BCAS2: variants seen among roughly 807,000 people sequenced by gnomAD.
BCAS2 encodes the protein pre-mRNA-splicing factor SPF27.
A neutral mutation model predicts 35.3 loss-of-function variants in BCAS2; 34 were observed. The observed-to-expected ratio is 0.96, with a 90% CI of 0.73 to 1.28. The LOEUF is 1.28. BCAS2 is among the 50% of genes most tolerant of loss of function. The pLI is 0.00. For synonymous variants in BCAS2, 75 were observed against 91.6 expected (o/e 0.82, Z 1.03); for missense variants, 221 against 268.1 (o/e 0.82, Z 1.23).
At chr1:114,572,667 C>T (rs1037080422) in intron 4 of BCAS2, among the ~76,000 whole-genome samples, 6 of 152,088 alleles carry the variant, frequency 3.9e-5, no homozygotes, top group African/African-American at 1.4e-4. Flanking sequence ...TAGAGCTGAG[C>T]CCTAAACAAG....
intron 6 of BCAS2, among the ~76,000 whole-genome samples, chr1:114,569,664 ATT>A (rs768378562): frequency 2.2e-5 from 3 of 135,822 alleles, no homozygotes; most frequent in Non-Finnish European, 1.6e-5. Flanking sequence ...CACCGTGCCT[ATT>A]TTTTTTTTTT....
intron 4 of BCAS2, among the ~76,000 whole-genome samples, chr1:114,573,434 C>T (rs1429183785): frequency 3.3e-5 from 5 of 151,894 alleles, no homozygotes; most frequent in African/African-American, 4.8e-5. Context: ...GTTTCACTTA[C>T]GTTGCCCAGG....
At chr1:114,580,811 A>C (rs1042952807) in intron 2 of BCAS2, among the ~76,000 whole-genome samples, 3 of 152,200 alleles carry the variant, frequency 2.0e-5, no homozygotes, top group Admixed American at 2.0e-4. Context: ...AAAACATCGG[A>C]TAGATTACAG....
At chr1:114,580,371 A>C (rs1316737756) in intron 2 of BCAS2, among the ~76,000 whole-genome samples, 1 of 152,200 alleles carries the variant, frequency 6.6e-6, no homozygotes, top group Non-Finnish European at 1.5e-5. Flanking sequence ...CTAGACCCTA[A>C]CTAGAATCCT....
intron 3 of BCAS2, among the ~76,000 whole-genome samples, chr1:114,576,255 A>C (rs1381895555): frequency 2.7e-5 from 4 of 148,508 alleles, no homozygotes; most frequent in Non-Finnish European, 4.5e-5. Context: ...CTCTATATAT[A>C]TATATATATA....
chr1:114,572,767 G>A (rs1289533719), intron 4 of BCAS2, among the ~76,000 whole-genome samples: 1 of 152,108 alleles, frequency 6.6e-6, no homozygotes, highest in Non-Finnish European at 1.5e-5. Flanking sequence ...ACTAGTTTGG[G>A]TTGAGTTAAA....
At chr1:114,570,136 T>G (rs1235388701) in intron 5 of BCAS2, 64 bp from the exon 6 acceptor site, 2 of 1,126,424 alleles carry the variant, frequency 1.8e-6, no homozygotes, top group African/African-American at 1.5e-5. Flanking sequence ...AACAGAAAAC[T>G]CTATAACACA....
chr1:114,571,927 G>A lies in BCAS2; in HGVS notation c.420-1177C>T, dbSNP rs114003919. Among the ~76,000 whole-genome samples the A allele has an allele frequency of 3.0e-3, 461 of 152,176 alleles. 2 individuals carry two copies. The highest frequency in any genetic ancestry group is 5.3e-3 in the Non-Finnish European group (360 of 68,020). On this transcript the variant is annotated intron_variant, in intron 4 of 6. Coordinates refer to ENST00000369541, the MANE Select transcript of BCAS2 (RefSeq NM_005872.3). The stretch of plus-strand genomic sequence containing the variant: ...CCAGGTCAGCTGTAACTAGCACAGG[G>A]GAAAAGTTCAATAATACAGAGTACC...
intron 3 of BCAS2, among the ~76,000 whole-genome samples, chr1:114,576,333 G>C (rs897635745): frequency 8.0e-5 from 12 of 149,782 alleles, no homozygotes; most frequent in African/African-American, 3.0e-4. Context: ...ATCTCGGCTT[G>C]CTGCAACCTC....
intron 4 of BCAS2, 79 bp downstream of exon 4, chr1:114,575,507 TTAAA>T: frequency 1.4e-6 from 2 of 1,395,154 alleles, no homozygotes; most frequent in East Asian, 4.7e-5. Context: ...TCCCATACTT[TTAAA>T]ATGTACTAAA....
At chr1:114,578,228 A>G (rs1255470636) in intron 2 of BCAS2, among the ~76,000 whole-genome samples, 1 of 152,076 alleles carries the variant, frequency 6.6e-6, no homozygotes, top group East Asian at 1.9e-4. Context: ...CAAAAAACAA[A>G]AAACAAAAAA....
intron 2 of BCAS2, among the ~76,000 whole-genome samples, chr1:114,579,057 C>T (rs951404747): frequency 1.3e-5 from 2 of 152,192 alleles, no homozygotes; most frequent in African/African-American, 2.4e-5. Context: ...AGGTGATTCA[C>T]TTGAGGTCAG....
At chr1:114,576,638 T>C (rs1654774421) in intron 3 of BCAS2, 50 bp downstream of exon 3, 7 of 1,427,598 alleles carry the variant, frequency 4.9e-6, no homozygotes, top group Non-Finnish European at 5.9e-6. Context: ...TCTCAGCTCA[T>C]TACTGAGTTA....
intron 4 of BCAS2, among the ~76,000 whole-genome samples, chr1:114,575,163 C>CG (rs1055935219): frequency 3.4e-5 from 5 of 146,842 alleles, no homozygotes; most frequent in African/African-American, 1.3e-4. Context: ...TAAACCACCG[C>CG]GCCCGGCTTT....
intron 2 of BCAS2, among the ~76,000 whole-genome samples, chr1:114,577,373 A>ATTTTTTT (rs151333752): frequency 6.6e-6 from 1 of 150,678 alleles, no homozygotes; most frequent in Non-Finnish European, 1.5e-5. Context: ...TTATTTATTT[A>ATTTTTTT]TTTATTTTTT....
chr1:114,569,631 T>C (rs1342918020), intron 6 of BCAS2, among the ~76,000 whole-genome samples: 1 of 151,152 alleles, frequency 6.6e-6, no homozygotes, highest in Non-Finnish European at 1.5e-5. Context: ...GCCTCCAGAG[T>C]AGCTGGGACT....
At chr1:114,569,815 G>C (rs995290856) in intron 6 of BCAS2, among the ~76,000 whole-genome samples, 177 bp downstream of exon 6, 1 of 152,076 alleles carries the variant, frequency 6.6e-6, no homozygotes, top group African/African-American at 2.4e-5. Context: ...TTCAATTCTC[G>C]TTTATAGTTC....
intron 3 of BCAS2, among the ~76,000 whole-genome samples, chr1:114,576,153 A>G (rs575130535): frequency 7.6e-4 from 116 of 151,932 alleles, no homozygotes; most frequent in African/African-American, 2.6e-3. Flanking sequence ...GCCGGTAGAG[A>G]AAAAAATGAG....
intron 4 of BCAS2, among the ~76,000 whole-genome samples, chr1:114,573,022 T>G (rs1445301095): frequency 6.7e-6 from 1 of 149,124 alleles, no homozygotes; most frequent in Non-Finnish European, 1.5e-5. Flanking sequence ...GGCAGAAGAG[T>G]TGCTTGAACC....
Sources: allele counts gnomAD v4.1 joint callset (sites outside exome capture counted in the v4.1 genomes callset), GRCh38; gene constraint gnomAD v4.1.1; transcripts MANE v1.5; gene names NCBI Gene and HGNC (gene_info 2026-07-23, HGNC 2026-07-21).